Variants in RB1 observed in about 807,000 individuals in gnomAD.
The protein encoded by RB1 is RB transcriptional corepressor 1.
In RB1, 18 loss-of-function variants were observed where a neutral mutation model predicts 135.4. The ratio of observed to expected loss-of-function variants is 0.13; its 90% CI spans 0.09 to 0.20. The LOEUF (loss-of-function observed/expected upper bound fraction) is 0.20. Among genes scored for constraint, RB1 ranks in the 10% least tolerant of loss-of-function variants. The pLI, the probability that RB1 is intolerant of heterozygous loss-of-function variation, is 1.00. For missense variants in RB1, 868 were observed against 1,110.0 expected, an observed-to-expected ratio of 0.78 and a Z score of 3.10; for synonymous variants, 365 against 373.2, an observed-to-expected ratio of 0.98 and a Z score of 0.25.
At chr13:48,421,397 C>G (rs1593499512) in intron 17 of RB1, among the ~76,000 whole-genome samples, 2 of 152,268 alleles carry the variant, frequency 1.3e-5, no homozygotes, top group South Asian at 4.1e-4. Context: ...AATGTAAGAC[C>G]TAAAGCCATG....
chr13:48,311,905 C>T (rs1326137346), intron 2 of RB1, among the ~76,000 whole-genome samples: 2 of 152,102 alleles, frequency 1.3e-5, no homozygotes, highest in Admixed American at 6.5e-5. Context: ...GGGGTTTCAC[C>T]GTGTTAGTCA....
intron 2 of RB1, among the ~76,000 whole-genome samples, chr13:48,339,429 G>A (rs997012721): frequency 6.6e-6 from 1 of 152,190 alleles, no homozygotes; most frequent in Non-Finnish European, 1.5e-5. Context: ...AGACTGCTGT[G>A]CTAGCAATGA....
At chr13:48,351,542 T>C (rs1444586551) in intron 6 of RB1, among the ~76,000 whole-genome samples, 1 of 152,208 alleles carries the variant, frequency 6.6e-6, no homozygotes, top group Non-Finnish European at 1.5e-5. Flanking sequence ...GTTGTTCATT[T>C]ACTCTGTTGA....
At chr13:48,404,699 G>A (rs1948724450) in intron 17 of RB1, among the ~76,000 whole-genome samples, 1 of 151,968 alleles carries the variant, frequency 6.6e-6, no homozygotes, top group Non-Finnish European at 1.5e-5. Context: ...GATAATTTTT[G>A]TATTTTTAGT....
intron 17 of RB1, chr13:48,411,755 G>T (rs1454515108): frequency 1.9e-6 from 3 of 1,610,342 alleles, no homozygotes; most frequent in African/African-American, 2.7e-5. Context: ...CCTTAGTTTT[G>T]TTTATTTTGC....
At chr13:48,391,706 C>T (rs1948612186) in intron 17 of RB1, among the ~76,000 whole-genome samples, 1 of 152,028 alleles carries the variant, frequency 6.6e-6, no homozygotes, top group South Asian at 2.1e-4. Flanking sequence ...GCAACCTCCA[C>T]CTCCTGGGTT....
At chr13:48,431,066 T>C (rs1457247554) in intron 17 of RB1, among the ~76,000 whole-genome samples, 1 of 152,212 alleles carries the variant, frequency 6.6e-6, no homozygotes, top group African/African-American at 2.4e-5. Context: ...GTCCATCATA[T>C]GAATCATATG....
intron 13 of RB1, among the ~76,000 whole-genome samples, chr13:48,378,388 A>T (rs2138138800): frequency 6.6e-6 from 1 of 152,242 alleles, no homozygotes; most frequent in South Asian, 2.1e-4. Context: ...TTTGCCAAAA[A>T]CAAAGGCAAA....
intron 2 of RB1, among the ~76,000 whole-genome samples, chr13:48,328,855 T>A (rs950667682): frequency 2.0e-5 from 3 of 152,178 alleles, no homozygotes; most frequent in Non-Finnish European, 4.4e-5. Flanking sequence ...TTAATAAAAC[T>A]AATTGTTTTC....
intron 23 of RB1, among the ~76,000 whole-genome samples, chr13:48,466,767 G>T (rs1949448132): frequency 2.2e-5 from 2 of 90,636 alleles, no homozygotes; most frequent in Non-Finnish European, 4.7e-5. Context: ...GAATGCAGAA[G>T]CCTCAGGAGC....
chr13:48,440,032 G>A (rs766488410), intron 17 of RB1, among the ~76,000 whole-genome samples: 2 of 152,062 alleles, frequency 1.3e-5, no homozygotes, highest in Non-Finnish European at 2.9e-5. Flanking sequence ...GAATAGGGTA[G>A]GAAGGAGATA....
At chr13:48,344,325 G>A (rs1403696803) in intron 3 of RB1, among the ~76,000 whole-genome samples, 1 of 152,148 alleles carries the variant, frequency 6.6e-6, no homozygotes, top group Non-Finnish European at 1.5e-5. Context: ...GTGTATCTCT[G>A]ACAGGAGGGT....
At chr13:48,392,852 G>C (rs1029092490) in intron 17 of RB1, among the ~76,000 whole-genome samples, 1 of 151,928 alleles carries the variant, frequency 6.6e-6, no homozygotes, top group Non-Finnish European at 1.5e-5. Context: ...TTTTGCTTTA[G>C]TGGGTCCTGG....
chr13:48,317,729 G>T, intron 2 of RB1: 1 of 502,686 alleles, frequency 2.0e-6, no homozygotes, highest in Non-Finnish European at 3.1e-6. Context: ...TTCCTGCCCT[G>T]GCTGAACAGG....
chr13:48,476,756 T>C lies in RB1; in HGVS notation c.2576T>C (p.Leu859Pro), dbSNP rs2138359193. The change falls in exon 25 of 27, where the codon CTC (leucine) becomes CCC (proline). Residue 859 changes from leucine (L) to proline (P), a missense_variant. By Grantham distance (98) the Leu-to-Pro change is moderately conservative. Around this residue, in one of 3 missense-constraint regions of RB1, gnomAD observed 196 missense variants for 239.8 expected, o/e 0.82. Transcript: ENST00000267163. ...NQMVCNSDRV[L>P]KRSAEGSNPP... ...ATGGTATGTAACAGCGACCGTGTGC[T>C]CAAAAGAAGTGCTGAAGGAAGCAAC... 6.2e-7 allele frequency: 1 copy of C among 1,613,584 alleles called. No individual in the cohort carries two copies. The highest frequency in any genetic ancestry group is 1.3e-5 in the African/African-American group (1 of 75,014).
intron 6 of RB1, among the ~76,000 whole-genome samples, chr13:48,355,051 G>A (rs1358600301): frequency 6.6e-6 from 1 of 151,842 alleles, no homozygotes; most frequent in East Asian, 1.9e-4. Flanking sequence ...GTCAACCAAA[G>A]CAAAAATGGA....
chr13:48,351,804 A>G (rs983825921), intron 6 of RB1, among the ~76,000 whole-genome samples: 19 of 151,818 alleles, frequency 1.3e-4, no homozygotes, highest in Non-Finnish European at 1.5e-5. Context: ...CTCCTGAGTA[A>G]CTGGGACTAC....
chr13:48,320,389 C>T (rs2138055008), intron 2 of RB1: 1 of 1,186,488 alleles, frequency 8.4e-7, no homozygotes, highest in South Asian at 1.2e-5. Flanking sequence ...CGAGAAGCAC[C>T]CGGGGAACCT....
rs929093283 is a variant in RB1, at chr13:48,480,464, T to A, written c.*393T>A. The stretch of plus-strand genomic sequence containing the variant: ...ATGTTTGCTCTTGTTTTTATTAATT[T>A]ATATGTATATTTTTTTAATTTAACA... On this transcript the variant is annotated 3_prime_UTR_variant, in exon 27 of 27. Transcript: ENST00000267163. The A allele has an allele frequency of 1.3e-5, 3 of 239,254 alleles. No individual in the cohort carries two copies. The highest frequency in any genetic ancestry group is 2.2e-5 in the African/African-American group (1 of 45,318). 14.8% of individuals were successfully genotyped at this position (239,254 alleles called of 1,614,324 possible).
Sources: gnomAD v4.1 joint callset for allele counts (sites outside exome capture counted in the v4.1 genomes callset) on GRCh38, gnomAD v4.1.1 for gene constraint, gnomAD v4.1.1 regional missense constraint, MANE v1.5 for transcripts, NCBI Gene and HGNC (gene_info 2026-07-23, HGNC 2026-07-21) for gene names.